The following AFAP1 variants were observed in gnomAD, a reference collection of about 807,000 sequenced individuals.
AFAP1 encodes actin filament-associated protein 1.
AFAP1 carries 75 observed loss-of-function variants against 93.9 expected under a neutral mutation model. The ratio of observed to expected loss-of-function variants is 0.80; its 90% CI spans 0.66 to 0.97. The LOEUF (loss-of-function observed/expected upper bound fraction) is 0.97, where lower values mean the gene tolerates loss of function less well. Among genes scored for constraint, AFAP1 ranks in the 50% least tolerant of loss-of-function variants. The pLI, the probability that AFAP1 is intolerant of heterozygous loss-of-function variation, is 0.00. For synonymous variants in AFAP1, 517 were observed against 430.7 expected, an observed-to-expected ratio of 1.20 and a Z score of -2.48; for missense variants, 1,201 against 1,050.8, an observed-to-expected ratio of 1.14 and a Z score of -1.98.
chr4:7,788,221 G>A (rs1322894934), intron 11 of AFAP1, among the ~76,000 whole-genome samples: 3 of 152,260 alleles, frequency 2.0e-5, no homozygotes, highest in African/African-American at 7.2e-5. Context: ...TCCTGCTAGT[G>A]TGGGTATTTC....
intron 17 of AFAP1, among the ~76,000 whole-genome samples, chr4:7,765,477 GC>G (rs1714422714): frequency 6.6e-6 from 1 of 152,208 alleles, no homozygotes; most frequent in Admixed American, 6.5e-5. Flanking sequence ...ACTGGACAGC[GC>G]CCTCCGTGCT....
intron 7 of AFAP1, among the ~76,000 whole-genome samples, chr4:7,817,776 A>AAG (rs71869064): frequency 6.6e-6 from 1 of 151,778 alleles, no homozygotes; most frequent in Non-Finnish European, 1.5e-5. Context: ...AAAAAAAAAA[A>AAG]AGCAGTATAA....
chr4:7,811,783 C>T lies in AFAP1; in HGVS notation c.905-2020G>A, dbSNP rs570112237. Among the ~76,000 whole-genome samples, 8 of 152,260 alleles carry T rather than the reference C, an allele frequency of 5.3e-5. No homozygotes were observed. In the East Asian group the frequency reaches 5.8e-4, roughly 11 times the overall value. On this transcript the variant is annotated intron_variant, in intron 8 of 17. Transcript: ENST00000420658. Reference sequence around the variant, plus strand: ...GTCTTGGACTTCCAGCCTCCAGGGCCGTCTAAATGCATGTTGTTTCAGCCA... The same window carrying T: ...GTCTTGGACTTCCAGCCTCCAGGGCTGTCTAAATGCATGTTGTTTCAGCCA...
At chr4:7,849,232 G>T (rs1714156693) in intron 4 of AFAP1, among the ~76,000 whole-genome samples, 1 of 152,204 alleles carries the variant, frequency 6.6e-6, no homozygotes, top group Non-Finnish European at 1.5e-5. Flanking sequence ...TTTTCAGAGG[G>T]AGGGGAGAGT....
chr4:7,878,931 G>C (rs948589303), intron 1 of AFAP1, among the ~76,000 whole-genome samples: 8 of 152,126 alleles, frequency 5.3e-5, no homozygotes, highest in African/African-American at 1.9e-4. Flanking sequence ...ATCCCTCATA[G>C]GTTACGTTCA....
At chr4:7,763,857 C>T in intron 17 of AFAP1, 66 bp from the exon 18 acceptor site, 3 of 1,510,882 alleles carry the variant, frequency 2.0e-6, no homozygotes, top group Non-Finnish European at 2.7e-6. Flanking sequence ...AGCCACGCCA[C>T]CATCCACATT....
Position 7,763,503 on chromosome 4 carries a change from C to CTTTCAAACACCTTT in AFAP1, c.*248_*261dup. On this transcript the variant is annotated 3_prime_UTR_variant, in exon 18 of 18. Coordinates refer to ENST00000420658, the MANE Select transcript of AFAP1 (RefSeq NM_001134647.2). ...AGATGTCACTTCGCCTGATAGCATC[C>CTTTCAAACACCTTT]TTTCAAACACCTTTCCATCACTTTT... The CTTTCAAACACCTTT allele has an allele frequency of 1.9e-6, 1 of 517,304 alleles. No homozygotes were observed. Among genetic ancestry groups the CTTTCAAACACCTTT allele is most frequent in the South Asian group, 2.9e-5 (1 of 35,084 alleles). 32.0% of individuals were successfully genotyped at this position (517,304 alleles called of 1,614,324 possible).
chr4:7,923,789 T>C (rs2149239057), intron 1 of AFAP1, among the ~76,000 whole-genome samples: 1 of 152,310 alleles, frequency 6.6e-6, no homozygotes, highest in South Asian at 2.1e-4. Flanking sequence ...CTAAGGCCAC[T>C]GATCCTGTCA....
intron 6 of AFAP1, among the ~76,000 whole-genome samples, chr4:7,824,731 A>T (rs896214838): frequency 6.6e-6 from 1 of 152,118 alleles, no homozygotes; most frequent in African/African-American, 2.4e-5. Context: ...GAATGACAGC[A>T]ATGGAGGCCG....
At chr4:7,847,205 C>A (rs1237884797) in intron 4 of AFAP1, among the ~76,000 whole-genome samples, 1 of 152,076 alleles carries the variant, frequency 6.6e-6, no homozygotes, top group Admixed American at 6.5e-5. Flanking sequence ...GTGTCCCAAT[C>A]AAGAGAACTC....
At chr4:7,918,363 C>G (rs1277495386) in intron 1 of AFAP1, among the ~76,000 whole-genome samples, 1 of 148,754 alleles carries the variant, frequency 6.7e-6, no homozygotes, top group Non-Finnish European at 1.5e-5. Flanking sequence ...ACACTCAGCC[C>G]AGGTCACCAG....
chr4:7,799,633 G>C (rs2149028457), intron 10 of AFAP1, among the ~76,000 whole-genome samples: 1 of 152,272 alleles, frequency 6.6e-6, no homozygotes, highest in Non-Finnish European at 1.5e-5. Context: ...AGATCTGTCT[G>C]TGTGTGTATG....
intron 1 of AFAP1, among the ~76,000 whole-genome samples, chr4:7,889,344 C>G (rs75850356): frequency 6.6e-6 from 1 of 151,556 alleles, no homozygotes; most frequent in African/African-American, 2.4e-5. Context: ...GTCAGGAGAT[C>G]CAGATCATCC....
At chr4:7,866,234 TCA>T (rs1716384818) in intron 3 of AFAP1, among the ~76,000 whole-genome samples, 1 of 151,532 alleles carries the variant, frequency 6.6e-6, no homozygotes, top group South Asian at 2.1e-4. Context: ...TCTCGCTCTG[TCA>T]CCCAGGCTGT....
chr4:7,862,879 GAC>G (rs1404862572), intron 3 of AFAP1, among the ~76,000 whole-genome samples: 1 of 152,052 alleles, frequency 6.6e-6, no homozygotes, highest in African/African-American at 2.4e-5. Flanking sequence ...CCTATGTTTA[GAC>G]ACAATGCTAT....
intron 4 of AFAP1, among the ~76,000 whole-genome samples, chr4:7,850,493 T>G (rs1171413147): frequency 2.0e-5 from 3 of 152,238 alleles, no homozygotes; most frequent in Non-Finnish European, 4.4e-5. Context: ...AATCTGTGTC[T>G]GAAACCAAAA....
chr4:7,887,829 C>A (rs1718218962), intron 1 of AFAP1, among the ~76,000 whole-genome samples: 1 of 121,768 alleles, frequency 8.2e-6, no homozygotes, highest in African/African-American at 2.6e-5. Flanking sequence ...TCATAAAGAA[C>A]AATTTTTTTT....
intron 4 of AFAP1, among the ~76,000 whole-genome samples, chr4:7,847,755 C>G (rs759997408): frequency 6.3e-5 from 9 of 141,822 alleles, no homozygotes; most frequent in South Asian, 2.2e-4. Flanking sequence ...CAGGTATTCA[C>G]AGAGAGAGGA....
At chr4:7,905,229 TCAA>T (rs1719335344) in intron 1 of AFAP1, among the ~76,000 whole-genome samples, 1 of 152,142 alleles carries the variant, frequency 6.6e-6, no homozygotes, top group Non-Finnish European at 1.5e-5. Context: ...CAAGCTGAAA[TCAA>T]GCGTGCCTCT....
Sources: allele counts gnomAD v4.1 joint callset (sites outside exome capture counted in the v4.1 genomes callset), GRCh38; gene constraint gnomAD v4.1.1; transcripts MANE v1.5; gene names NCBI Gene and HGNC (gene_info 2026-07-23, HGNC 2026-07-21).